Variants in PCDH15 observed in about 807,000 individuals in gnomAD.
The protein encoded by PCDH15 is protocadherin-15.
PCDH15 carries 129 observed loss-of-function variants against 178.5 expected under a neutral mutation model. That is an observed-to-expected ratio of 0.72 (90% CI 0.63 to 0.84). The LOEUF (loss-of-function observed/expected upper bound fraction) is 0.84. Among genes scored for constraint, PCDH15 ranks in the 40% least tolerant of loss-of-function variants. PCDH15 has a pLI of 0.00. For missense variants in PCDH15, 2,230 were observed against 2,099.9 expected (o/e 1.06, Z -1.21); for synonymous variants, 800 against 732.0 (o/e 1.09, Z -1.50).
intron 3 of PCDH15, among the ~76,000 whole-genome samples, chr10:54,484,063 C>A (rs1004939722): frequency 6.6e-6 from 1 of 151,714 alleles, no homozygotes; most frequent in African/African-American, 2.4e-5. Context: ...TGTGTTTTGC[C>A]ACTTTAAGGA....
At chr10:55,209,190 A>C (rs989164390) in intron 1 of PCDH15, among the ~76,000 whole-genome samples, 1 of 152,142 alleles carries the variant, frequency 6.6e-6, no homozygotes, top group African/African-American at 2.4e-5. Context: ...CAAGGCACTG[A>C]AACAACAGAG....
chr10:55,459,726 G>A (rs983616926), intron 2 of PCDH15, among the ~76,000 whole-genome samples: 1 of 152,068 alleles, frequency 6.6e-6, no homozygotes, highest in Non-Finnish European at 1.5e-5. Flanking sequence ...GGCTAAGAGA[G>A]AGGAAAACAC....
chr10:54,640,057 T>TA (rs1442906248), intron 2 of PCDH15, among the ~76,000 whole-genome samples: 4 of 152,192 alleles, frequency 2.6e-5, no homozygotes, highest in Non-Finnish European at 5.9e-5. Flanking sequence ...TGAATAGCAC[T>TA]GCACTCCAGC....
At chr10:54,629,175 A>C (rs2093635927) in intron 2 of PCDH15, among the ~76,000 whole-genome samples, 1 of 152,300 alleles carries the variant, frequency 6.6e-6, no homozygotes, top group South Asian at 2.1e-4. Context: ...CTATTAAGTA[A>C]AACTCTGAGA....
chr10:54,520,565 C>T lies in PCDH15; in HGVS notation c.157+7247G>A, dbSNP rs1279707327. The stretch of plus-strand genomic sequence containing the variant: ...CAATCATTAAAAAGTCAGGAAACAA[C>T]AGGTGCTGGAGAGGATGTGGAGAAA... On this transcript the variant is annotated intron_variant, in intron 3 of 37. Coordinates refer to ENST00000644397, the MANE Select transcript of PCDH15 (RefSeq NM_001384140.1). 2.0e-5 allele frequency among the ~76,000 whole-genome samples: 3 copies of T among 152,068 alleles called. No homozygotes were observed. The East Asian group carries it at 5.8e-4, about 29-fold the overall frequency.
intron 2 of PCDH15, among the ~76,000 whole-genome samples, chr10:54,549,712 TTCAG>T (rs1490393380): frequency 5.3e-5 from 8 of 151,966 alleles, no homozygotes; most frequent in African/African-American, 1.9e-4. Flanking sequence ...TTTTGATATA[TTCAG>T]TATCTTATTG....
At position 53,871,176 on chromosome 10, in the gene PCDH15, T is replaced by TAA. The variant is rs35624563; in HGVS notation, c.3502-4321_3502-4320dup. ...GTGAAACCCCGTCTCTACTAAAAAT[T>TAA]AAAAAAAAAAAAAAATTAGCTGGGC... On this transcript the variant is annotated intron_variant, in intron 26 of 37. Coordinates refer to ENST00000644397, the MANE Select transcript of PCDH15 (RefSeq NM_001384140.1). Among the ~76,000 whole-genome samples the TAA allele has an allele frequency of 1.4e-4, 20 of 144,246 alleles. No individual in the cohort carries two copies. The East Asian group carries it at 3.5e-3, about 25-fold the overall frequency. The allele number at this position is 144,246 out of a possible 152,430, so 94.6% of individuals were successfully genotyped here. A position where few individuals can be genotyped will look rare whatever the true frequency, so the allele number is the denominator to read the frequency against.
At position 54,130,624 on chromosome 10, in the gene PCDH15, TG is replaced by T. The variant is rs558728630; in HGVS notation, c.1917+2250del. On this transcript the variant is annotated intron_variant, in intron 15 of 37. Coordinates refer to ENST00000644397, the MANE Select transcript of PCDH15 (RefSeq NM_001384140.1). ...AAAGGCCCGTTCTTAAAAGGGGAAG[TG>T]GGAGGAGGGGAAACAAGAATTGTTG... is the stretch of plus-strand genomic sequence containing the variant. 1.8e-3 allele frequency among the ~76,000 whole-genome samples: 269 copies of T among 152,038 alleles called. 1 individual carries two copies. The highest frequency in any genetic ancestry group is 3.2e-3 in the Non-Finnish European group (218 of 67,988).
chr10:54,510,855 T>C (rs2081586961), intron 3 of PCDH15, among the ~76,000 whole-genome samples: 1 of 152,132 alleles, frequency 6.6e-6, no homozygotes, highest in African/African-American at 2.4e-5. Flanking sequence ...AACATAAAAA[T>C]GTGATAATAG....
At chr10:54,148,005 A>C (rs1403528303) in intron 14 of PCDH15, among the ~76,000 whole-genome samples, 1 of 152,004 alleles carries the variant, frequency 6.6e-6, no homozygotes, top group African/African-American at 2.4e-5. Context: ...ATTATGCAAA[A>C]GTCATGATGC....
chr10:55,124,832 C>T (rs1297502376), intron 2 of PCDH15, among the ~76,000 whole-genome samples: 1 of 152,038 alleles, frequency 6.6e-6, no homozygotes, highest in Non-Finnish European at 1.5e-5. Flanking sequence ...ATGGCACCAA[C>T]TGACAGGTGT....
intron 18 of PCDH15, among the ~76,000 whole-genome samples, chr10:54,050,425 G>C (rs2093743820): frequency 2.6e-5 from 4 of 151,922 alleles, no homozygotes. Flanking sequence ...TGTCATTTCT[G>C]CTTGTTCTTA....
Position 54,826,901 on chromosome 10 carries a change from T to A in PCDH15, c.-29+70549A>T, listed in dbSNP as rs79017880. On this transcript the variant is annotated intron_variant, in intron 3 of 5. Coordinates refer to the PCDH15 transcript ENST00000458638. Reference sequence around the variant, plus strand: ...TTCCTAACATACTTTTCTAGTGAACTTATATGCAGACTTAGAATTTGGGAC... The same window carrying A: ...TTCCTAACATACTTTTCTAGTGAACATATATGCAGACTTAGAATTTGGGAC... Among the ~76,000 whole-genome samples, 561 of 152,220 alleles carry A rather than the reference T, an allele frequency of 3.7e-3. 1 individual carries two copies. The highest frequency in any genetic ancestry group is 0.013 in the African/African-American group (539 of 41,550).
intron 15 of PCDH15, among the ~76,000 whole-genome samples, chr10:54,122,434 G>A (rs1253937957): frequency 6.6e-6 from 1 of 151,982 alleles, no homozygotes; most frequent in African/African-American, 2.4e-5. Context: ...AGAACTGCAA[G>A]CATTCCTCTT....
chr10:55,341,572 T>A (rs2252572), intron 2 of PCDH15, among the ~76,000 whole-genome samples: 113,718 of 144,538 alleles, frequency 0.79, 45,556 homozygotes, highest in African/African-American at 0.93. Context: ...TAGATTAGCA[T>A]CCTTTTTTTT....
intron 18 of PCDH15, among the ~76,000 whole-genome samples, chr10:54,052,031 G>T (rs2093787096): frequency 6.6e-6 from 1 of 152,252 alleles, no homozygotes; most frequent in African/African-American, 2.4e-5. Flanking sequence ...TTGAGGTTTG[G>T]AAACCTCTGC....
At chr10:54,200,050 C>T (rs890419993) in intron 10 of PCDH15, among the ~76,000 whole-genome samples, 14 of 152,152 alleles carry the variant, frequency 9.2e-5, no homozygotes, top group African/African-American at 2.6e-4. Flanking sequence ...CACCTTGTAA[C>T]GGAGGACTGA....
At chr10:54,054,639 CTAAA>C (rs1420696516) in intron 18 of PCDH15, among the ~76,000 whole-genome samples, 5 of 151,944 alleles carry the variant, frequency 3.3e-5, no homozygotes, top group South Asian at 2.1e-4. Context: ...GGGGTAGGCC[CTAAA>C]TAAATATTGT....
At chr10:53,961,683 T>A in intron 22 of PCDH15, 69 bp downstream of exon 22, 1 of 1,199,468 alleles carries the variant, frequency 8.3e-7, no homozygotes, top group Non-Finnish European at 1.1e-6. Context: ...TGTGCTGTCA[T>A]CTGTTAAGCC....
Sources: allele counts gnomAD v4.1 joint callset (sites outside exome capture counted in the v4.1 genomes callset), GRCh38; gene constraint gnomAD v4.1.1; transcripts MANE v1.5; gene names NCBI Gene and HGNC (gene_info 2026-07-23, HGNC 2026-07-21).